OTOG: variants seen among roughly 807,000 people sequenced by gnomAD.
The protein encoded by OTOG is otogelin.
A neutral mutation model predicts 313.8 loss-of-function variants in OTOG; 296 were observed. That is an observed-to-expected ratio of 0.94 (90% CI 0.86 to 1.04). The LOEUF (loss-of-function observed/expected upper bound fraction) is 1.04, where lower values mean the gene tolerates loss of function less well. Ranked by LOEUF, OTOG falls within the 50% of genes least tolerant of loss-of-function variation. The pLI is 0.00. For missense variants in OTOG, 3,948 were observed against 3,840.1 expected (o/e 1.03, Z -0.74); for synonymous variants, 1,533 against 1,554.9 (o/e 0.99, Z 0.33).
intron 18 of OTOG, among the ~76,000 whole-genome samples, chr11:17,572,572 C>T (rs1212788106): frequency 1.3e-5 from 2 of 152,184 alleles, no homozygotes; most frequent in Non-Finnish European, 2.9e-5. Context: ...GTTCTTTCTA[C>T]ACAGTCAGGA....
At chr11:17,602,911 G>C (rs1411339287) in intron 32 of OTOG, among the ~76,000 whole-genome samples, 6 of 152,232 alleles carry the variant, frequency 3.9e-5, no homozygotes, top group Non-Finnish European at 4.4e-5. Context: ...CGGAACACGG[G>C]GGAGGGGGCC....
At chr11:17,609,052 C>A in intron 34 of OTOG, 78 bp from the exon 35 acceptor site, 2 of 1,144,494 alleles carry the variant, frequency 1.7e-6, no homozygotes, top group Non-Finnish European at 2.6e-6. Context: ...AAGGATAAGG[C>A]CTGTGCTCAA....
intron 36 of OTOG, 37 bp from the exon 37 acceptor site, chr11:17,612,125 T>C (rs1402049398): frequency 2.6e-6 from 4 of 1,547,532 alleles, no homozygotes; most frequent in African/African-American, 2.7e-5. Context: ...CTGTAGCTCC[T>C]TGATGGTCAC....
In OTOG at chr11:17,631,824, G is replaced by A. The variant is rs961427267; in HGVS notation, c.6835G>A (p.Gly2279Ser). Residue 2279 changes from glycine to serine, a missense_variant, in exon 41 of 56, where the codon GGC (glycine) becomes AGC (serine). Coordinates refer to ENST00000399397, the MANE Select transcript of OTOG (RefSeq NM_001292063.2). ...GGTGCCCAGCTCCCTGACCTCAGTG[G>A]GCCAGACCCGCTTCCGCCCAGACAG... ...WQVPSSLTSV[G>S]QTRFRPDSCA... 7 of 1,550,454 alleles carry A rather than the reference G, an allele frequency of 4.5e-6. No individual in the cohort carries two copies. In the South Asian group the frequency reaches 4.8e-5, roughly 11 times the overall value.
chr11:17,620,764 C>T (rs1055816052), intron 39 of OTOG, among the ~76,000 whole-genome samples: 8 of 152,252 alleles, frequency 5.3e-5, no homozygotes, highest in African/African-American at 1.7e-4. Flanking sequence ...TTGAAGTGGA[C>T]CCACAGATCA....
At position 17,572,179 on chromosome 11, in the gene OTOG, C is replaced by A. The variant is rs886209740; in HGVS notation, c.2055C>A (p.Asp685Glu). The A allele has an allele frequency of 2.1e-5, 33 of 1,550,306 alleles. No individual in the cohort carries two copies. The highest frequency in any genetic ancestry group is 2.6e-5 in the Non-Finnish European group (30 of 1,146,912). The change falls in exon 18 of 56, where the codon GAC (aspartate) becomes GAA (glutamate). Residue 685 changes from aspartate (D) to glutamate (E), a missense_variant. Physicochemically the swap from Asp to Glu is conservative, Grantham distance 45 (BLOSUM62 2). Transcript: ENST00000399397. Reference protein sequence around the residue: ...CSPLVSGSPLDPCDVHLQAAS... With the variant: ...CSPLVSGSPLEPCDVHLQAAS... ...CGCTGGTCTCTGGCTCCCCTCTGGA[C>A]CCCTGCGATGTGCACCTGCAAGCCG...
intron 22 of OTOG, among the ~76,000 whole-genome samples, chr11:17,577,334 A>G (rs1177085607): frequency 6.6e-6 from 1 of 151,388 alleles, no homozygotes; most frequent in Non-Finnish European, 1.5e-5. Flanking sequence ...GGCTTTTGAG[A>G]CCCTCCTAGG....
At chr11:17,593,564 G>T (rs553635614) in intron 26 of OTOG, 46 bp from the exon 27 acceptor site, 3 of 1,541,526 alleles carry the variant, frequency 1.9e-6, no homozygotes, top group South Asian at 2.4e-5. Context: ...TGACCTGGGC[G>T]CTAGGGGGCA....
intron 8 of OTOG, 112 bp from the exon 9 acceptor site, chr11:17,558,073 C>T: frequency 7.5e-7 from 1 of 1,337,370 alleles, no homozygotes; most frequent in Non-Finnish European, 1.0e-6. Flanking sequence ...AGACCGGATT[C>T]TTCAAAACTC....
intron 39 of OTOG, among the ~76,000 whole-genome samples, chr11:17,625,268 A>G (rs1339983305): frequency 6.6e-6 from 1 of 152,130 alleles, no homozygotes; most frequent in Non-Finnish European, 1.5e-5. Flanking sequence ...GGTTTTGTCC[A>G]TTCAGTGTTG....
At position 17,611,121 on chromosome 11, in the gene OTOG, C is replaced by A. The variant is rs1427439466; in HGVS notation, c.5821C>A (p.Pro1941Thr). Residue 1941 changes from proline (P) to threonine (T), a missense_variant, in exon 36 of 56, where the codon CCT becomes ACT. By Grantham distance (38) the Pro-to-Thr change is conservative (BLOSUM62 -1). Transcript: ENST00000399397. ...PTELTPATSH[P>T]LTPLVAEPEG... ...AGAGCTCACGCCTGCTACGAGCCAC[C>A]CTCTCACGCCCTTGGTGGCTGAGCC... 6.4e-7 allele frequency: 1 copy of A among 1,550,544 alleles called. No homozygotes were observed. The highest frequency in any genetic ancestry group is 8.7e-7 in the Non-Finnish European group (1 of 1,146,948).
chr11:17,549,503 C>T (rs1159436709), intron 3 of OTOG, among the ~76,000 whole-genome samples: 1 of 152,140 alleles, frequency 6.6e-6, no homozygotes, highest in African/African-American at 2.4e-5. Flanking sequence ...TCAAATACTG[C>T]TTGAGTTGGA....
intron 39 of OTOG, among the ~76,000 whole-genome samples, chr11:17,626,976 C>T (rs1353602251): frequency 1.3e-5 from 2 of 152,178 alleles, no homozygotes; most frequent in Non-Finnish European, 2.9e-5. Context: ...TTGTAATCTG[C>T]AACTTTACTG....
intron 33 of OTOG, among the ~76,000 whole-genome samples, chr11:17,607,928 AG>A (rs1853428023): frequency 1.3e-5 from 2 of 152,118 alleles, no homozygotes; most frequent in Non-Finnish European, 2.9e-5. Context: ...AGGGTCCCAG[AG>A]GGGCAGGGTG....
chr11:17,561,831 C>T (rs1334076908), intron 15 of OTOG, 24 bp downstream of exon 15: 1 of 1,549,626 alleles, frequency 6.5e-7, no homozygotes, highest in Admixed American at 2.0e-5. Context: ...ATCCCCAGGC[C>T]CGATCCACCC....
intron 39 of OTOG, among the ~76,000 whole-genome samples, chr11:17,614,940 CCAAACTGTATTCCAGAG>C (rs1385488553): frequency 6.6e-6 from 1 of 152,172 alleles, no homozygotes; most frequent in African/African-American, 2.4e-5. Context: ...ACAATACTTG[CCAAACTGTATTCCAGAG>C]CAGGCATTTA....
chr11:17,645,578 C>T lies in OTOG; in HGVS notation c.8476C>T (p.Arg2826Cys), dbSNP rs191662816. The T allele has an allele frequency of 2.6e-3, 3,956 of 1,550,572 alleles. 12 individuals are homozygous for T. The highest frequency in any genetic ancestry group is 4.8e-3 in the Middle Eastern group (29 of 5,990). The change falls in exon 55 of 56, where the codon CGC becomes TGC. Residue 2826 changes from arginine to cysteine, a missense_variant. Coordinates refer to ENST00000399397, the MANE Select transcript of OTOG (RefSeq NM_001292063.2). ...TGTCCCCCCAGGTAAGGAGGATGGG[C>T]GCTCCTGCAAGAAGGTGACCATCCG... Reference protein sequence around the residue: ...GCCRTCKEDGRSCKKVTIRMT... With the variant: ...GCCRTCKEDGCSCKKVTIRMT...
chr11:17,570,415 G>A (rs747232172), intron 17 of OTOG, 25 bp downstream of exon 17: 9 of 1,548,034 alleles, frequency 5.8e-6, no homozygotes, highest in Non-Finnish European at 3.5e-6. Context: ...CACGGAACCC[G>A]AAGAAGAGGG....
intron 32 of OTOG, among the ~76,000 whole-genome samples, chr11:17,603,341 T>C (rs1249883562): frequency 6.6e-6 from 1 of 152,130 alleles, no homozygotes; most frequent in African/African-American, 2.4e-5. Context: ...TGACGAAGGG[T>C]GTCTCACCAC....
Sources: gnomAD v4.1 joint callset for allele counts (sites outside exome capture counted in the v4.1 genomes callset) on GRCh38, gnomAD v4.1.1 for gene constraint, MANE v1.5 for transcripts, NCBI Gene and HGNC (gene_info 2026-07-23, HGNC 2026-07-21) for gene names.